Variants in NIPAL2 observed in about 807,000 individuals in gnomAD.
NIPAL2 encodes NIPA-like protein 2.
Under a neutral mutation model 48.9 loss-of-function variants are expected in NIPAL2, and 43 were observed. That is an observed-to-expected ratio of 0.88 (90% CI 0.69 to 1.13). The LOEUF (loss-of-function observed/expected upper bound fraction) is 1.13, where lower values mean the gene tolerates loss of function less well. NIPAL2 is among the 50% of genes most tolerant of loss of function. The pLI, the probability that NIPAL2 is intolerant of heterozygous loss-of-function variation, is 0.00. For synonymous variants in NIPAL2, 167 were observed against 174.6 expected (o/e 0.96, Z 0.34); for missense variants, 446 against 461.4 (o/e 0.97, Z 0.31).
chr8:98,244,872 G>C (rs1361278845), intron 3 of NIPAL2, among the ~76,000 whole-genome samples: 1 of 152,130 alleles, frequency 6.6e-6, no homozygotes, highest in Non-Finnish European at 1.5e-5. Flanking sequence ...CTGGTCTACA[G>C]GCAAGTTTGT....
chr8:98,270,542 G>A (rs970399097), intron 1 of NIPAL2, among the ~76,000 whole-genome samples: 2 of 152,040 alleles, frequency 1.3e-5, no homozygotes, highest in East Asian at 3.8e-4. Context: ...GTTTTTGCTT[G>A]TTGATTTGTA....
At chr8:98,291,795 CAA>C (rs1816503011) in intron 1 of NIPAL2, among the ~76,000 whole-genome samples, 1 of 152,196 alleles carries the variant, frequency 6.6e-6, no homozygotes, top group African/African-American at 2.4e-5. Context: ...GTGCAAAGGG[CAA>C]AGACTTCACT....
intron 4 of NIPAL2, 86 bp from the exon 5 acceptor site, chr8:98,222,686 A>G: frequency 7.3e-7 from 1 of 1,376,274 alleles, no homozygotes; most frequent in Non-Finnish European, 1.0e-6. Flanking sequence ...ACTGCGCATT[A>G]CTTGTAAAAG....
At chr8:98,227,552 G>A (rs779321743) in intron 4 of NIPAL2, among the ~76,000 whole-genome samples, 2 of 152,168 alleles carry the variant, frequency 1.3e-5, no homozygotes, top group Non-Finnish European at 2.9e-5. Context: ...ATGTCATCCA[G>A]GAGCTACGGC....
intron 1 of NIPAL2, among the ~76,000 whole-genome samples, chr8:98,288,780 G>A (rs1816336309): frequency 6.6e-6 from 1 of 152,190 alleles, no homozygotes; most frequent in African/African-American, 2.4e-5. Context: ...ATAGACAACT[G>A]TGAAGATAAT....
chr8:98,245,882 C>T (rs201588132), intron 3 of NIPAL2, among the ~76,000 whole-genome samples: 19 of 152,254 alleles, frequency 1.2e-4, no homozygotes, highest in Middle Eastern at 3.4e-3. Flanking sequence ...TGGACAAACA[C>T]GCAAAAGCAG....
At chr8:98,278,435 C>G (rs931376631) in intron 1 of NIPAL2, among the ~76,000 whole-genome samples, 1 of 152,094 alleles carries the variant, frequency 6.6e-6, no homozygotes, top group African/African-American at 2.4e-5. Context: ...TACATTAGGT[C>G]TTTTCATTCT....
chr8:98,276,221 C>G (rs1346553877), intron 1 of NIPAL2, among the ~76,000 whole-genome samples: 1 of 152,166 alleles, frequency 6.6e-6, no homozygotes, highest in Non-Finnish European at 1.5e-5. Context: ...TTTCACTGCC[C>G]TAAAAATCCT....
At chr8:98,209,356 C>A (rs1460329240) in intron 6 of NIPAL2, among the ~76,000 whole-genome samples, 1 of 149,016 alleles carries the variant, frequency 6.7e-6, no homozygotes, top group African/African-American at 2.5e-5. Context: ...TGCCTGTAAT[C>A]CTAGCACTTT....
intron 3 of NIPAL2, among the ~76,000 whole-genome samples, chr8:98,249,872 T>C (rs1221211650): frequency 1.3e-5 from 2 of 151,528 alleles, no homozygotes; most frequent in Admixed American, 1.3e-4. Context: ...GAAATTTTGA[T>C]TATGTGAGAC....
At chr8:98,278,486 C>T (rs761357323) in intron 1 of NIPAL2, among the ~76,000 whole-genome samples, 66 of 152,156 alleles carry the variant, frequency 4.3e-4, no homozygotes, top group Non-Finnish European at 4.6e-4. Context: ...TTTTCTAACT[C>T]TTTATCCCTT....
At chr8:98,232,285 T>A (rs1812476306) in intron 4 of NIPAL2, among the ~76,000 whole-genome samples, 1 of 152,184 alleles carries the variant, frequency 6.6e-6, no homozygotes, top group African/African-American at 2.4e-5. Flanking sequence ...CGTTTAATTA[T>A]GGTATGAAAT....
chr8:98,294,088 A>C lies in NIPAL2; in HGVS notation c.50T>G (p.Leu17Arg), dbSNP rs1309224803. The change falls in exon 1 of 11, where the codon CTG becomes CGG. Residue 17 changes from leucine to arginine, a missense_variant. Leu to Arg is a moderately radical substitution (Grantham distance 102, BLOSUM62 -2). Coordinates refer to ENST00000430223, the MANE Select transcript of NIPAL2 (RefSeq NM_001321635.2). ...AGPGDSASAA[L>R]DELSLNFTYG... ...CGTGAAATTCAGTGACAGCTCGTCCAGGGCGGCCGAGGCGGAGTCCCCGGG... is the reference window on the plus strand; with the variant it reads ...CGTGAAATTCAGTGACAGCTCGTCCCGGGCGGCCGAGGCGGAGTCCCCGGG... The C allele has an allele frequency of 6.7e-7, 1 of 1,491,900 alleles. No individual in the cohort carries two copies. The highest frequency in any genetic ancestry group is 1.3e-5 in the South Asian group (1 of 78,338). The allele number at this position is 1,491,900 out of a possible 1,614,324, so 92.4% of individuals were successfully genotyped here. A position where few individuals can be genotyped will look rare whatever the true frequency, so the allele number is the denominator to read the frequency against.
At chr8:98,213,227 C>T (rs1046281893) in intron 5 of NIPAL2, among the ~76,000 whole-genome samples, 2 of 152,156 alleles carry the variant, frequency 1.3e-5, no homozygotes, top group Admixed American at 1.3e-4. Flanking sequence ...TCCCCAGGAA[C>T]CACTACACGG....
chr8:98,255,900 G>A (rs1271024481), intron 1 of NIPAL2, among the ~76,000 whole-genome samples: 1 of 152,114 alleles, frequency 6.6e-6, no homozygotes, highest in Non-Finnish European at 1.5e-5. Flanking sequence ...CAGTTTAAAT[G>A]GCTTCAGGCT....
At chr8:98,209,321 C>T (rs1421792957) in intron 6 of NIPAL2, among the ~76,000 whole-genome samples, 1 of 151,640 alleles carries the variant, frequency 6.6e-6, no homozygotes, top group East Asian at 1.9e-4. Flanking sequence ...TTATTAAGAC[C>T]ACTTGGGCCA....
intron 8 of NIPAL2, among the ~76,000 whole-genome samples, chr8:98,196,825 C>T (rs2130686048): frequency 6.6e-6 from 1 of 152,338 alleles, no homozygotes; most frequent in South Asian, 2.1e-4. Flanking sequence ...GGAGAAATGA[C>T]AAGACAGAGA....
chr8:98,198,373 C>T (rs970808399), intron 8 of NIPAL2, among the ~76,000 whole-genome samples: 1 of 152,122 alleles, frequency 6.6e-6, no homozygotes, highest in African/African-American at 2.4e-5. Context: ...TTCTTAAGGG[C>T]CCTATGGTTT....
At chr8:98,228,373 C>T (rs1812281662) in intron 4 of NIPAL2, among the ~76,000 whole-genome samples, 1 of 152,172 alleles carries the variant, frequency 6.6e-6, no homozygotes, top group Non-Finnish European at 1.5e-5. Context: ...CCAACATGTT[C>T]CTCACCCGCA....
Sources: gnomAD v4.1 joint callset for allele counts (sites outside exome capture counted in the v4.1 genomes callset) on GRCh38, gnomAD v4.1.1 for gene constraint, MANE v1.5 for transcripts, NCBI Gene and HGNC (gene_info 2026-07-23, HGNC 2026-07-21) for gene names.